SLC35F1: variants seen among roughly 807,000 people sequenced by gnomAD.
The protein encoded by SLC35F1 is solute carrier family 35 member F1, also known as chromosome 6 open reading frame 169.
Under a neutral mutation model 48.7 loss-of-function variants are expected in SLC35F1, and 14 were observed. That is an observed-to-expected ratio of 0.29 (90% CI 0.19 to 0.45). SLC35F1 has a LOEUF of 0.45. Ranked by LOEUF, SLC35F1 falls within the 20% of genes least tolerant of loss-of-function variation. The pLI is 1.00. For missense variants in SLC35F1, 404 were observed against 500.0 expected (o/e 0.81, Z 1.83); for synonymous variants, 190 against 202.2 (o/e 0.94, Z 0.51).
At chr6:118,287,616 T>C (rs1776066663) in intron 7 of SLC35F1, among the ~76,000 whole-genome samples, 1 of 151,862 alleles carries the variant, frequency 6.6e-6, no homozygotes, top group South Asian at 2.1e-4. Context: ...TCTGGGGGAG[T>C]CTGGTTGGTA....
chr6:118,129,146 T>C (rs1353134497), intron 1 of SLC35F1, among the ~76,000 whole-genome samples: 1 of 152,040 alleles, frequency 6.6e-6, no homozygotes, highest in Non-Finnish European at 1.5e-5. Flanking sequence ...AAACACATGG[T>C]AAATAAGTAA....
At chr6:118,138,417 C>A (rs1220937393) in intron 1 of SLC35F1, among the ~76,000 whole-genome samples, 1 of 152,144 alleles carries the variant, frequency 6.6e-6, no homozygotes, top group Non-Finnish European at 1.5e-5. Flanking sequence ...AAAACCTAGT[C>A]TCTTGTTAGC....
chr6:118,084,719 C>T (rs73512487), intron 1 of SLC35F1, among the ~76,000 whole-genome samples: 2,724 of 152,132 alleles, frequency 0.018, 81 homozygotes, highest in African/African-American at 0.062. Flanking sequence ...ATTGAAAGGA[C>T]TGGCAGGTTA....
intron 1 of SLC35F1, among the ~76,000 whole-genome samples, chr6:117,915,675 G>A (rs1775817581): frequency 6.6e-6 from 1 of 152,208 alleles, no homozygotes; most frequent in Non-Finnish European, 1.5e-5. Flanking sequence ...GCTCTAATAA[G>A]CAGTTAGACT....
At chr6:118,247,585 A>C (rs561006334) in intron 3 of SLC35F1, among the ~76,000 whole-genome samples, 60 of 152,330 alleles carry the variant, frequency 3.9e-4, no homozygotes, top group African/African-American at 1.4e-3. Context: ...ATTTCTTATA[A>C]ATCAAAAAGT....
At chr6:118,194,217 G>A (rs1774770852) in intron 2 of SLC35F1, among the ~76,000 whole-genome samples, 2 of 152,140 alleles carry the variant, frequency 1.3e-5, no homozygotes, top group South Asian at 4.1e-4. Flanking sequence ...AAAGCATGCA[G>A]TTTTTACAAA....
At chr6:117,972,259 G>T (rs1776651864) in intron 1 of SLC35F1, among the ~76,000 whole-genome samples, 1 of 152,086 alleles carries the variant, frequency 6.6e-6, no homozygotes, top group Non-Finnish European at 1.5e-5. Flanking sequence ...CCTCAGCCTG[G>T]ACTTGATTGT....
intron 2 of SLC35F1, among the ~76,000 whole-genome samples, chr6:118,187,590 G>C (rs1301864337): frequency 1.3e-5 from 2 of 152,092 alleles, no homozygotes; most frequent in Non-Finnish European, 2.9e-5. Context: ...GGTGGCTGGA[G>C]GGACTTCTCC....
At chr6:118,262,132 G>A (rs145995075) in intron 3 of SLC35F1, among the ~76,000 whole-genome samples, 1 of 152,176 alleles carries the variant, frequency 6.6e-6, no homozygotes, top group East Asian at 1.9e-4. Context: ...TACTGGGACA[G>A]CTTCATGACC....
intron 1 of SLC35F1, among the ~76,000 whole-genome samples, chr6:118,003,715 T>A (rs7768494): frequency 1.3e-5 from 2 of 152,228 alleles, no homozygotes; most frequent in African/African-American, 4.8e-5. Context: ...TAAAGTTACA[T>A]TTCATACCTA....
At chr6:118,133,258 G>A (rs1320982113) in intron 1 of SLC35F1, among the ~76,000 whole-genome samples, 1 of 151,936 alleles carries the variant, frequency 6.6e-6, no homozygotes, top group African/African-American at 2.4e-5. Context: ...AAAAACAGAG[G>A]GAAGAAAAGA....
At chr6:118,150,832 C>T (rs1294267683) in intron 1 of SLC35F1, among the ~76,000 whole-genome samples, 1 of 152,096 alleles carries the variant, frequency 6.6e-6, no homozygotes, top group Non-Finnish European at 1.5e-5. Flanking sequence ...CAAATTCCTT[C>T]CATGAATTTT....
intron 2 of SLC35F1, among the ~76,000 whole-genome samples, chr6:118,188,449 C>T (rs548774615): frequency 6.6e-6 from 1 of 151,818 alleles, no homozygotes; most frequent in African/African-American, 2.4e-5. Context: ...ACTCGGGAGG[C>T]TGAGGCAGGA....
At chr6:118,122,634 A>G (rs938681557) in intron 1 of SLC35F1, among the ~76,000 whole-genome samples, 14 of 152,128 alleles carry the variant, frequency 9.2e-5, no homozygotes, top group Middle Eastern at 3.2e-3. Flanking sequence ...AAACAACAAA[A>G]TGGACTTATT....
At chr6:117,977,708 C>G (rs761076355) in intron 1 of SLC35F1, among the ~76,000 whole-genome samples, 8 of 151,882 alleles carry the variant, frequency 5.3e-5, no homozygotes, top group Non-Finnish European at 1.2e-4. Context: ...ATTTACTTGT[C>G]TATGGTTTTA....
At chr6:118,234,913 G>A (rs1183739586) in intron 2 of SLC35F1, among the ~76,000 whole-genome samples, 1 of 152,140 alleles carries the variant, frequency 6.6e-6, no homozygotes, top group Non-Finnish European at 1.5e-5. Context: ...GAAGATTATA[G>A]TTGTTGGCAG....
At chr6:117,987,520 A>G (rs748007301) in intron 1 of SLC35F1, among the ~76,000 whole-genome samples, 10 of 151,326 alleles carry the variant, frequency 6.6e-5, no homozygotes, top group Non-Finnish European at 1.3e-4. Flanking sequence ...CCTCCAGGAC[A>G]CCCAGCCCAA....
Position 118,147,997 on chromosome 6 carries a change from A to C in SLC35F1, c.174-6448A>C, listed in dbSNP as rs557781656. On this transcript the variant is annotated intron_variant, in intron 1 of 7. Transcript: ENST00000360388. ...TGCTTGAATGTGATAAAAACCTTTC[A>C]GCAAAGAGCTTATAGAAGTCAATGG... is the stretch of plus-strand genomic sequence containing the variant. Among the ~76,000 whole-genome samples, 5 of 152,326 alleles carry C rather than the reference A, an allele frequency of 3.3e-5. No individual in the cohort carries two copies. The South Asian group carries it at 1.0e-3, about 32-fold the overall frequency.
chr6:117,960,805 G>A (rs1776488204), intron 1 of SLC35F1, among the ~76,000 whole-genome samples: 1 of 152,128 alleles, frequency 6.6e-6, no homozygotes, highest in South Asian at 2.1e-4. Flanking sequence ...GAGGGGTGAT[G>A]GGATGTTTCA....
Sources: allele counts gnomAD v4.1 joint callset (sites outside exome capture counted in the v4.1 genomes callset), GRCh38; gene constraint gnomAD v4.1.1; transcripts MANE v1.5; gene names NCBI Gene and HGNC (gene_info 2026-07-23, HGNC 2026-07-21).